DST: variants seen among roughly 807,000 people sequenced by gnomAD.
DST encodes dystonin.
Under a neutral mutation model 875.2 loss-of-function variants are expected in DST, and 253 were observed. The observed-to-expected ratio is 0.29, with a 90% confidence interval of 0.26 to 0.32. DST has a LOEUF of 0.32. Among genes scored for constraint, DST ranks in the 10% least tolerant of loss-of-function variants. The pLI, the probability that DST is intolerant of heterozygous loss-of-function variation, is 1.00. For synonymous variants in DST, 3,124 were observed against 3,197.1 expected (o/e 0.98, Z 0.77); for missense variants, 8,287 against 9,111.6 (o/e 0.91, Z 3.68).
chr6:56,606,242 C>A lies in DST; in HGVS notation c.8386G>T (p.Asp2796Tyr). Reference protein sequence around the residue: ...DSMQSEESYGDYIYDSNDQDD... With the variant: ...DSMQSEESYGYYIYDSNDQDD... ...TGATCATTACTGTCATATATATAATCCCCATAACTTTCTTCACTTTGCATA... is the reference window on the plus strand; with the variant it reads ...TGATCATTACTGTCATATATATAATACCCATAACTTTCTTCACTTTGCATA... Residue 2796 changes from aspartate (D) to tyrosine (Y), a missense_variant, in exon 40 of 104, where the codon GAT becomes TAT. Asp to Tyr is a radical substitution (Grantham distance 160, BLOSUM62 -3). Around this residue, in one of 10 missense-constraint regions of DST, gnomAD observed 3,138 missense variants for 3,116.6 expected, o/e 1.01. Transcript: ENST00000680361. 1 of 1,566,928 alleles carries A rather than the reference C, an allele frequency of 6.4e-7. No homozygotes were observed. The highest frequency in any genetic ancestry group is 1.2e-5 in the South Asian group (1 of 86,444).
intron 10 of DST, among the ~76,000 whole-genome samples, chr6:56,666,169 C>CTCTTTATGGGGCTAACAAACAT (rs1373597637): frequency 6.7e-6 from 1 of 150,346 alleles, no homozygotes; most frequent in African/African-American, 2.5e-5. Context: ...AAAACAAATA[C>CTCTTTATGGGGCTAACAAACAT]TCTTTATGGG....
intron 10 of DST, among the ~76,000 whole-genome samples, chr6:56,667,826 T>TAC (rs1244797899): frequency 4.9e-5 from 7 of 144,066 alleles, no homozygotes; most frequent in African/African-American, 1.2e-4. Flanking sequence ...TATATATATA[T>TAC]ATACACACAC....
At chr6:56,621,142 T>C (rs1439829486) in intron 36 of DST, among the ~76,000 whole-genome samples, 4 of 151,964 alleles carry the variant, frequency 2.6e-5, no homozygotes, top group Non-Finnish European at 5.9e-5. Flanking sequence ...TCCTAAGAGG[T>C]AGGAAGAACA....
At chr6:56,844,264 G>A (rs1160650566) in intron 4 of DST, among the ~76,000 whole-genome samples, 2 of 152,112 alleles carry the variant, frequency 1.3e-5, no homozygotes. Context: ...GGCCGCGCCT[G>A]CGCCTGAGCT....
At chr6:56,465,105 G>C (rs2094516542) in intron 99 of DST, among the ~76,000 whole-genome samples, 2 of 152,164 alleles carry the variant, frequency 1.3e-5, no homozygotes, top group Non-Finnish European at 2.9e-5. Context: ...TCGCAGGTGT[G>C]TCTTTGGCCA....
At chr6:56,681,599 TTG>T (rs1343411179) in intron 9 of DST, among the ~76,000 whole-genome samples, 1 of 152,208 alleles carries the variant, frequency 6.6e-6, no homozygotes, top group African/African-American at 2.4e-5. Context: ...GCAGTACCTC[TTG>T]TGTGTCATTA....
intron 4 of DST, among the ~76,000 whole-genome samples, chr6:56,848,625 A>G (rs1438073256): frequency 6.6e-6 from 1 of 152,244 alleles, no homozygotes; most frequent in Non-Finnish European, 1.5e-5. Flanking sequence ...TTCATAATTT[A>G]GCCACATTAT....
intron 31 of DST, 71 bp downstream of exon 31, chr6:56,630,174 T>C: frequency 8.5e-7 from 1 of 1,178,272 alleles, no homozygotes; most frequent in East Asian, 2.4e-5. Flanking sequence ...ACTTGATGTT[T>C]GAAGATCTAA....
rs1220986866 is a variant in DST at position 56,553,377 on chromosome 6, G to A, written c.15415C>T (p.Gln5139Ter). 3 of 1,605,018 alleles carry A rather than the reference G, an allele frequency of 1.9e-6. No homozygotes were observed. Among genetic ancestry groups the A allele is most frequent in the Admixed American group, 1.7e-5 (1 of 58,292 alleles). The change falls in exon 61 of 104, where the codon CAG (glutamine) becomes TAG (stop). Residue 5139 changes from glutamine (Q) to a stop codon, truncating the protein, a stop_gained. Coordinates refer to ENST00000680361, the MANE Select transcript of DST (RefSeq NM_001374736.1). LOFTEE classifies it high-confidence loss of function. ...CAATTGGTTTTAATTGTATTAAGCTGTAACTGTAAGGCTGCCTTCTCAGAC... is the reference window on the plus strand; with the variant it reads ...CAATTGGTTTTAATTGTATTAAGCTATAACTGTAAGGCTGCCTTCTCAGAC... Reference protein sequence around the residue: ...QGSEKAALQLQLNTIKTNWDT... With the variant: ...QGSEKAALQL
rs2096316666 is a variant in DST, at chr6:56,506,454, C to A, written c.19453G>T (p.Asp6485Tyr). ...TGTAATCCCCTTACCTGCAGTCCAT[C>A]CTGGTACTGAACGGCAGCCTGCATT... ...EAMQAAVQYQ[D>Y]GLQAVFDWVD... Residue 6485 changes from aspartate to tyrosine, a missense_variant, in exon 77 of 104, where the codon GAT becomes TAT. This residue lies in a region of DST where 1,292 missense variants were observed against 1,552.7 expected (regional missense o/e 0.83). Transcript: ENST00000680361. The A allele has an allele frequency of 1.2e-6, 2 of 1,612,258 alleles. No homozygotes were observed. Among genetic ancestry groups the A allele is most frequent in the Non-Finnish European group, 1.7e-6 (2 of 1,179,002 alleles).
chr6:56,624,361 G>A (rs1586956222), intron 36 of DST, 169 bp downstream of exon 36: 1 of 693,348 alleles, frequency 1.4e-6, no homozygotes, highest in African/African-American at 1.8e-5. Context: ...AAAAATCTTA[G>A]GCCTTCAGTC....
intron 98 of DST, chr6:56,467,270 T>C (rs919205689): frequency 2.0e-5 from 3 of 151,978 alleles, no homozygotes; most frequent in Admixed American, 6.6e-5. Flanking sequence ...AAACTCTAGG[T>C]AGAAAAAAAT....
At chr6:56,621,348 C>T (rs568377465) in intron 36 of DST, among the ~76,000 whole-genome samples, 126 of 152,198 alleles carry the variant, frequency 8.3e-4, no homozygotes, top group Non-Finnish European at 1.5e-3. Flanking sequence ...AAGTCAGATC[C>T]CTTATTTGTT....
chr6:56,665,507 T>G (rs374545803), intron 10 of DST, among the ~76,000 whole-genome samples: 2 of 152,102 alleles, frequency 1.3e-5, no homozygotes, highest in African/African-American at 4.8e-5. Flanking sequence ...TAAATCTAGT[T>G]TGCCTAAAGG....
At chr6:56,893,598 A>ATTT (rs1789014878) in intron 3 of DST, among the ~76,000 whole-genome samples, 2 of 72,060 alleles carry the variant, frequency 2.8e-5, no homozygotes, top group South Asian at 7.3e-4. Context: ...ATTTTTTTTT[A>ATTT]TTTTTTATTT....
Position 56,714,870 on chromosome 6 carries a change from T to C in DST, c.688-10501A>G, listed in dbSNP as rs1563826315. Among the ~76,000 whole-genome samples, 1 of 152,222 alleles carries C rather than the reference T, an allele frequency of 6.6e-6. No individual in the cohort carries two copies. The highest frequency in any genetic ancestry group is 1.5e-5 in the Non-Finnish European group (1 of 68,040). The stretch of plus-strand genomic sequence containing the variant: ...AATTCTAACGTCATCCAGGCAGTGA[T>C]GGTTTCCTTCTTCTGCACTCCCATA... On this transcript the variant is annotated intron_variant, in intron 5 of 103. Coordinates refer to ENST00000680361, the MANE Select transcript of DST (RefSeq NM_001374736.1). The surrounding 1 kb of genome is among the most constrained non-coding windows in gnomAD (Gnocchi z 4.5).
At position 56,616,059 on chromosome 6, in the gene DST, A is replaced by G. The variant is rs1563207693; in HGVS notation, c.4930-1575T>C. On this transcript the variant is annotated intron_variant, in intron 36 of 103. Coordinates refer to ENST00000680361, the MANE Select transcript of DST (RefSeq NM_001374736.1). ...CGGAGGGCAGTAATCCGATCAACCA[A>G]ATTTCTACGGGAGGCTTTTAGTACA... 8 of 1,614,052 alleles carry G rather than the reference A, an allele frequency of 5.0e-6. No individual in the cohort carries two copies. The highest frequency in any genetic ancestry group is 3.3e-4 in the Middle Eastern group (2 of 6,084).
Position 56,851,547 on chromosome 6 carries a change from C to T in DST, c.475G>A (p.Glu159Lys). The change falls in exon 4 of 104, where the codon GAG becomes AAG. Residue 159 changes from glutamate to lysine, a missense_variant. Glu to Lys is a moderately conservative substitution (Grantham distance 56). Transcript: ENST00000680361. ...CCAGATTTCTGGCTGAAATCATCCT[C>T]ATCGGAAAAATCCGCAGAGGAAGAC... is the stretch of plus-strand genomic sequence containing the variant. ...SMSSSADFSD[E>K]DDFSQKSGSA... The T allele has an allele frequency of 6.2e-7, 1 of 1,614,040 alleles. No individual in the cohort carries two copies. The highest frequency in any genetic ancestry group is 2.2e-5 in the East Asian group (1 of 44,888).
chr6:56,624,694 T>G (rs1022027142), intron 35 of DST, 66 bp from the exon 36 acceptor site: 2 of 1,072,516 alleles, frequency 1.9e-6, no homozygotes, highest in African/African-American at 3.1e-5. Context: ...TGAATGAATT[T>G]TGAATAATAA....
Sources: gnomAD v4.1 joint callset for allele counts (sites outside exome capture counted in the v4.1 genomes callset) on GRCh38, gnomAD v4.1.1 for gene constraint, gnomAD v4.1.1 regional missense constraint, Gnocchi (gnomAD v3.1) non-coding constraint, MANE v1.5 for transcripts, NCBI Gene and HGNC (gene_info 2026-07-23, HGNC 2026-07-21) for gene names.